SOX6: variants seen among roughly 807,000 people sequenced by gnomAD.
The protein encoded by SOX6 is SRY-box transcription factor 6.
Under a neutral mutation model 97.8 loss-of-function variants are expected in SOX6, and 11 were observed. The observed-to-expected ratio is 0.11, with a 90% CI of 0.07 to 0.19. The LOEUF (loss-of-function observed/expected upper bound fraction) is 0.19. SOX6 is among the 10% of genes least tolerant of loss of function. The pLI is 1.00. For synonymous variants in SOX6, 360 were observed against 371.4 expected (o/e 0.97, Z 0.35); for missense variants, 810 against 1,039.5 (o/e 0.78, Z 3.04).
chr11:16,074,297 T>G (rs1848297088), intron 9 of SOX6, among the ~76,000 whole-genome samples: 1 of 152,072 alleles, frequency 6.6e-6, no homozygotes, highest in Non-Finnish European at 1.5e-5. Flanking sequence ...AAACTCTCAG[T>G]GACTACTATG....
At chr11:16,126,898 G>A (rs1849624763) in intron 6 of SOX6, among the ~76,000 whole-genome samples, 1 of 152,016 alleles carries the variant, frequency 6.6e-6, no homozygotes, top group South Asian at 2.1e-4. Context: ...TGTTTTTAAA[G>A]TTCTTTTGTT....
intron 9 of SOX6, among the ~76,000 whole-genome samples, chr11:16,078,152 G>T (rs1357440209): frequency 2.6e-5 from 4 of 152,244 alleles, no homozygotes; most frequent in Admixed American, 6.5e-5. Flanking sequence ...TATGGGGATA[G>T]ATGTGTTTTC....
At chr11:16,213,251 T>C (rs538043079) in intron 4 of SOX6, among the ~76,000 whole-genome samples, 8 of 152,192 alleles carry the variant, frequency 5.3e-5, no homozygotes, top group Admixed American at 5.2e-4. Context: ...AGATACAAAA[T>C]TATAAATGCA....
intron 12 of SOX6, among the ~76,000 whole-genome samples, chr11:16,038,073 C>T (rs902089867): frequency 6.6e-6 from 1 of 152,010 alleles, no homozygotes; most frequent in African/African-American, 2.4e-5. Flanking sequence ...AAAAAGAATG[C>T]AACAACTATT....
At chr11:16,570,565 T>C (rs1407871846) in intron 4 of SOX6, among the ~76,000 whole-genome samples, 1 of 152,210 alleles carries the variant, frequency 6.6e-6, no homozygotes, top group African/African-American at 2.4e-5. Context: ...ACCAGCTTCT[T>C]GTGAAGGGTT....
intron 5 of SOX6, 108 bp from the exon 6 acceptor site, chr11:16,184,062 G>T: frequency 1.0e-6 from 1 of 981,394 alleles, no homozygotes; most frequent in Non-Finnish European, 1.6e-6. Context: ...ACCTCTATGT[G>T]AAAGAGTTCC....
At chr11:16,550,396 A>G (rs927274685) in intron 4 of SOX6, among the ~76,000 whole-genome samples, 7 of 152,126 alleles carry the variant, frequency 4.6e-5, no homozygotes, top group African/African-American at 1.7e-4. Context: ...GCACACCAAC[A>G]TGGCATATGT....
At chr11:16,316,669 C>A (rs1400902081) in intron 3 of SOX6, 1 of 152,004 alleles carries the variant, frequency 6.6e-6, no homozygotes. Context: ...CAATCAATGC[C>A]TTTATTTTTA....
rs541646943 is a variant in SOX6, at chr11:16,037,351, C to G, written c.1623+9163G>C. 3.3e-5 allele frequency among the ~76,000 whole-genome samples: 5 copies of G among 152,198 alleles called. 1 individual carries two copies. The South Asian group carries it at 1.0e-3, about 32-fold the overall frequency. Reference sequence around the variant, plus strand: ...ACCTGACACTAAACTTGTGATATGTCCTTCCTCTGCATACTGTTTGTCTTT... The same window carrying G: ...ACCTGACACTAAACTTGTGATATGTGCTTCCTCTGCATACTGTTTGTCTTT... On this transcript the variant is annotated intron_variant, in intron 12 of 15. Coordinates refer to ENST00000683767, the MANE Select transcript of SOX6 (RefSeq NM_001367873.1).
At position 16,129,728 on chromosome 11, in the gene SOX6, A is replaced by C. The variant is rs111407441; in HGVS notation, c.778-17805T>G. On this transcript the variant is annotated intron_variant, in intron 6 of 15. Coordinates refer to ENST00000683767, the MANE Select transcript of SOX6 (RefSeq NM_001367873.1). ...GTCATTTCAATAGGTGCAGAGTAAC[A>C]CTTGAAAAAATTTAACACTTATTCA... Among the ~76,000 whole-genome samples the C allele has an allele frequency of 7.5e-3, 1,145 of 152,314 alleles. 17 individuals are homozygous for C. The highest frequency in any genetic ancestry group is 0.026 in the African/African-American group (1,094 of 41,574).
At chr11:16,357,901 T>C (rs963642481), upstream of SOX6, among the ~76,000 whole-genome samples, 14 of 152,150 alleles carry the variant, frequency 9.2e-5, no homozygotes, top group Non-Finnish European at 1.5e-5. Context: ...AGCATGCATA[T>C]GGATTCAATG....
At chr11:16,034,915 C>T (rs954078652) in intron 12 of SOX6, among the ~76,000 whole-genome samples, 8 of 152,060 alleles carry the variant, frequency 5.3e-5, no homozygotes, top group African/African-American at 1.7e-4. Context: ...GATGCATAGT[C>T]GGATAGACAG....
At chr11:16,145,941 G>C (rs1046211952) in intron 6 of SOX6, among the ~76,000 whole-genome samples, 4 of 152,146 alleles carry the variant, frequency 2.6e-5, no homozygotes, top group Non-Finnish European at 4.4e-5. Context: ...GTAATTTATA[G>C]ATTCAATGCC....
At chr11:16,125,287 G>T (rs1023028686) in intron 6 of SOX6, among the ~76,000 whole-genome samples, 3 of 151,858 alleles carry the variant, frequency 2.0e-5, no homozygotes, top group Admixed American at 2.0e-4. Flanking sequence ...GAAATTTTAG[G>T]CATCAGAGCA....
chr11:16,341,762 T>C (rs919305846), intron 1 of SOX6, among the ~76,000 whole-genome samples: 1 of 152,026 alleles, frequency 6.6e-6, no homozygotes, highest in African/African-American at 2.4e-5. Context: ...TAATTCATAA[T>C]CAAAGTCCTA....
chr11:16,582,983 T>C (rs1848044859), intron 4 of SOX6, among the ~76,000 whole-genome samples: 2 of 152,056 alleles, frequency 1.3e-5, no homozygotes, highest in African/African-American at 2.4e-5. Context: ...CTTATAAAGA[T>C]AGCACCAAAA....
At chr11:16,000,312 TC>T (rs1340657311) in intron 13 of SOX6, among the ~76,000 whole-genome samples, 1 of 152,234 alleles carries the variant, frequency 6.6e-6, no homozygotes, top group Non-Finnish European at 1.5e-5. Context: ...GTGTTCATCT[TC>T]TGAGAAGAAG....
At position 16,536,332 on chromosome 11, in the gene SOX6, G is replaced by A. The variant is rs143049950; in HGVS notation, n.610-59944C>T. On this transcript the variant is annotated intron_variant and non_coding_transcript_variant, in intron 4 of 5. Coordinates refer to the SOX6 transcript ENST00000524520. ...AAAAATAATGGTATAAATCAAGGTC[G>A]CTTCCAAGATGGCCAAATAGGAACA... Among the ~76,000 whole-genome samples the A allele has an allele frequency of 3.1e-3, 467 of 152,224 alleles. 3 individuals carry two copies. The highest frequency in any genetic ancestry group is 0.011 in the African/African-American group (449 of 41,536).
chr11:16,130,449 T>A (rs1222845618), intron 6 of SOX6, among the ~76,000 whole-genome samples: 2 of 151,948 alleles, frequency 1.3e-5, no homozygotes, highest in Admixed American at 6.6e-5. Context: ...TAGCATATCA[T>A]ACACCATAAA....
Sources: allele counts gnomAD v4.1 joint callset (sites outside exome capture counted in the v4.1 genomes callset), GRCh38; gene constraint gnomAD v4.1.1; transcripts MANE v1.5; gene names NCBI Gene and HGNC (gene_info 2026-07-23, HGNC 2026-07-21).